The following PLXNA4 variants were observed in gnomAD, a reference collection of about 807,000 sequenced individuals.
The protein encoded by PLXNA4 is plexin-A4.
In PLXNA4, 44 loss-of-function variants were observed where a neutral mutation model predicts 191.8. That is an observed-to-expected ratio of 0.23 (90% confidence interval 0.18 to 0.29). The LOEUF (loss-of-function observed/expected upper bound fraction) is 0.29. PLXNA4 is among the 10% of genes least tolerant of loss of function. The pLI, the probability that PLXNA4 is intolerant of heterozygous loss-of-function variation, is 1.00. For missense variants in PLXNA4, 1,800 were observed against 2,488.8 expected (o/e 0.72, Z 5.89); for synonymous variants, 1,082 against 1,009.5 (o/e 1.07, Z -1.36).
intron 3 of PLXNA4, among the ~76,000 whole-genome samples, chr7:132,434,355 T>C (rs995603098): frequency 5.9e-5 from 9 of 152,186 alleles, no homozygotes; most frequent in African/African-American, 2.2e-4. Context: ...GGTTGGCATC[T>C]CTGCCATGCC....
chr7:132,302,871 G>GTTT, intron 3 of PLXNA4, among the ~76,000 whole-genome samples: 1 of 152,056 alleles, frequency 6.6e-6, no homozygotes, highest in East Asian at 1.9e-4. Flanking sequence ...TTTCTTTTTT[G>GTTT]TTTGTTTGTT....
chr7:132,553,115 G>A (rs1209234979), intron 1 of PLXNA4, among the ~76,000 whole-genome samples: 1 of 152,168 alleles, frequency 6.6e-6, no homozygotes, highest in East Asian at 1.9e-4. Context: ...TGCTCTGAAT[G>A]CCTAGCTCTG....
At chr7:132,452,775 T>C (rs1796170705) in intron 3 of PLXNA4, among the ~76,000 whole-genome samples, 1 of 152,202 alleles carries the variant, frequency 6.6e-6, no homozygotes, top group Admixed American at 6.5e-5. Flanking sequence ...CAGAGAAATG[T>C]ATCAGCTGCA....
At chr7:132,562,257 CTCT>C (rs1380890322) in intron 1 of PLXNA4, among the ~76,000 whole-genome samples, 9 of 130,848 alleles carry the variant, frequency 6.9e-5, no homozygotes, top group East Asian at 4.8e-4. Flanking sequence ...CCTCCTCCTC[CTCT>C]TCTTTCTCTG....
chr7:132,644,553 G>C (rs1352245400), intron 2 of PLXNA4, among the ~76,000 whole-genome samples: 1 of 152,164 alleles, frequency 6.6e-6, no homozygotes, highest in Non-Finnish European at 1.5e-5. Flanking sequence ...TGGGTGACCA[G>C]AAAGGCGCAT....
intron 3 of PLXNA4, among the ~76,000 whole-genome samples, chr7:132,360,879 G>A (rs1163509680): frequency 6.6e-6 from 1 of 152,212 alleles, no homozygotes; most frequent in African/African-American, 2.4e-5. Context: ...CTTGGAGATG[G>A]GGGCCACATC....
chr7:132,182,587 G>T (rs1796745713), intron 16 of PLXNA4, among the ~76,000 whole-genome samples: 1 of 152,082 alleles, frequency 6.6e-6, no homozygotes, highest in African/African-American at 2.4e-5. Context: ...ATTAGCTTTG[G>T]CCTCATGAAA....
At chr7:132,154,606 G>A (rs977011081) in intron 25 of PLXNA4, among the ~76,000 whole-genome samples, 4 of 152,208 alleles carry the variant, frequency 2.6e-5, no homozygotes, top group South Asian at 2.1e-4. Flanking sequence ...GCTGAGCCCC[G>A]CTTCCTGATT....
chr7:132,594,996 G>T (rs1272023498), intron 2 of PLXNA4, among the ~76,000 whole-genome samples: 1 of 47,644 alleles, frequency 2.1e-5, no homozygotes. Flanking sequence ...TAGATAGATA[G>T]ATAGATAGAT....
intron 2 of PLXNA4, among the ~76,000 whole-genome samples, chr7:132,642,460 C>T (rs1803761946): frequency 6.6e-6 from 1 of 151,726 alleles, no homozygotes; most frequent in South Asian, 2.1e-4. Context: ...CAAGCTGAGA[C>T]CCAGAAGGTG....
chr7:132,572,269 T>C lies in PLXNA4; in HGVS notation c.-87+4153A>G, dbSNP rs114247653. Among the ~76,000 whole-genome samples the C allele has an allele frequency of 5.9e-3, 894 of 152,258 alleles. 8 individuals are homozygous for C. Among genetic ancestry groups the C allele is most frequent in the African/African-American group, 0.02 (837 of 41,524 alleles). ...CATCTCAGTTTCCTCCTGGAGGAAATAGGGACCGTAATAGCCTATCTGGGT... is the reference window on the plus strand; with the variant it reads ...CATCTCAGTTTCCTCCTGGAGGAAACAGGGACCGTAATAGCCTATCTGGGT... On this transcript the variant is annotated intron_variant, in intron 1 of 31. Coordinates refer to ENST00000321063, the MANE Select transcript of PLXNA4 (RefSeq NM_020911.2).
chr7:132,443,390 T>C (rs1429371121), intron 3 of PLXNA4, among the ~76,000 whole-genome samples: 1 of 152,154 alleles, frequency 6.6e-6, no homozygotes, highest in African/African-American at 2.4e-5. Flanking sequence ...TTAAATCAAC[T>C]AGGCAATTTG....
At chr7:132,229,734 G>T (rs1436710474) in intron 5 of PLXNA4, among the ~76,000 whole-genome samples, 1 of 152,072 alleles carries the variant, frequency 6.6e-6, no homozygotes. Flanking sequence ...GAATCTACAT[G>T]GGGAGGGAGC....
chr7:132,427,560 C>T (rs1483205342), intron 3 of PLXNA4, among the ~76,000 whole-genome samples: 2 of 152,236 alleles, frequency 1.3e-5, no homozygotes, highest in African/African-American at 4.8e-5. Flanking sequence ...CCTGGGCTAG[C>T]TCCTCTAAGC....
chr7:132,515,372 C>T (rs77132493), intron 1 of PLXNA4, among the ~76,000 whole-genome samples: 5,014 of 152,242 alleles, frequency 0.033, 257 homozygotes, highest in African/African-American at 0.11. Flanking sequence ...TTTCCGGTTA[C>T]GCAAGTCAAA....
At position 132,413,848 on chromosome 7, in the gene PLXNA4, A is replaced by G. The variant is rs1585103677; in HGVS notation, c.1371+75444T>C. Among the ~76,000 whole-genome samples, 7 of 152,086 alleles carry G rather than the reference A, an allele frequency of 4.6e-5. No homozygotes were observed. In the South Asian group the frequency reaches 1.5e-3, roughly 32 times the overall value. On this transcript the variant is annotated intron_variant, in intron 3 of 31. Transcript: ENST00000321063. The stretch of plus-strand genomic sequence containing the variant: ...GACCACTATACACTCCTCACTCCCA[A>G]CCCCATATCAACCATCCAGTAAACA...
At chr7:132,367,981 CT>C (rs1234207847) in intron 3 of PLXNA4, 6 of 152,328 alleles carry the variant, frequency 3.9e-5, no homozygotes, top group Admixed American at 3.9e-4. Flanking sequence ...TCTCTTCCAA[CT>C]GTGACACTTT....
Position 132,494,727 on chromosome 7 carries a change from C to T in PLXNA4, c.1189-5253G>A, listed in dbSNP as rs183964734. Among the ~76,000 whole-genome samples the T allele has an allele frequency of 1.3e-4, 20 of 152,304 alleles. No individual in the cohort carries two copies. In the East Asian group the frequency reaches 1.3e-3, roughly 10 times the overall value. ...CCACATACAAATGACAGAGCAGTTA[C>T]GGTTACTTTACCAATTACAGGGAAA... On this transcript the variant is annotated intron_variant, in intron 2 of 31. Coordinates refer to ENST00000321063, the MANE Select transcript of PLXNA4 (RefSeq NM_020911.2).
At chr7:132,392,360 C>G (rs999183045) in intron 3 of PLXNA4, among the ~76,000 whole-genome samples, 2 of 152,214 alleles carry the variant, frequency 1.3e-5, no homozygotes, top group African/African-American at 4.8e-5. Flanking sequence ...TTCTTGTAGT[C>G]TGTAAATGTG....
Sources: gnomAD v4.1 joint callset for allele counts (sites outside exome capture counted in the v4.1 genomes callset) on GRCh38, gnomAD v4.1.1 for gene constraint, MANE v1.5 for transcripts, NCBI Gene and HGNC (gene_info 2026-07-23, HGNC 2026-07-21) for gene names.